Variants in SLC41A2 observed in about 807,000 individuals in gnomAD.
SLC41A2 encodes the protein SLC41A1-like 1.
SLC41A2 carries 32 observed loss-of-function variants against 58.3 expected under a neutral mutation model. The ratio of observed to expected loss-of-function variants is 0.55; its 90% CI spans 0.41 to 0.74. SLC41A2 has a LOEUF of 0.74. Ranked by LOEUF, SLC41A2 falls within the 30% of genes least tolerant of loss-of-function variation. The pLI, the probability that SLC41A2 is intolerant of heterozygous loss-of-function variation, is 0.00. For synonymous variants in SLC41A2, 190 were observed against 235.0 expected (o/e 0.81, Z 1.75); for missense variants, 514 against 680.6 (o/e 0.76, Z 2.72).
intron 4 of SLC41A2, among the ~76,000 whole-genome samples, chr12:104,892,321 T>A (rs957153234): frequency 0.023 from 2,698 of 117,162 alleles, 225 homozygotes; most frequent in African/African-American, 0.085. Flanking sequence ...TAAAATAAAA[T>A]AAAATAAAAT....
intron 1 of SLC41A2, among the ~76,000 whole-genome samples, chr12:104,934,841 G>GAGTA (rs1212580141): frequency 6.6e-6 from 1 of 152,200 alleles, no homozygotes; most frequent in Non-Finnish European, 1.5e-5. Flanking sequence ...TAGAAACAGA[G>GAGTA]AGTAGACAGG....
At chr12:104,871,864 A>C (rs2043796733) in intron 6 of SLC41A2, among the ~76,000 whole-genome samples, 1 of 152,232 alleles carries the variant, frequency 6.6e-6, no homozygotes, top group South Asian at 2.1e-4. Context: ...TTATATCCTC[A>C]TAAGAGAAGG....
intron 1 of SLC41A2, among the ~76,000 whole-genome samples, chr12:104,953,949 A>T (rs2048052433): frequency 6.6e-6 from 1 of 152,196 alleles, no homozygotes; most frequent in Non-Finnish European, 1.5e-5. Context: ...AAAGGTTTCC[A>T]CTTTTCCTAT....
intron 10 of SLC41A2, among the ~76,000 whole-genome samples, chr12:104,812,759 A>G (rs1408917460): frequency 6.6e-6 from 1 of 152,194 alleles, no homozygotes; most frequent in Non-Finnish European, 1.5e-5. Flanking sequence ...TGCTCTGGAT[A>G]CCAGGTCTCC....
At chr12:104,860,063 A>T (rs531329985) in intron 8 of SLC41A2, among the ~76,000 whole-genome samples, 1 of 152,228 alleles carries the variant, frequency 6.6e-6, no homozygotes, top group East Asian at 1.9e-4. Flanking sequence ...CTTTTTACAT[A>T]GATATGCAAA....
intron 7 of SLC41A2, among the ~76,000 whole-genome samples, chr12:104,862,538 T>C: frequency 6.6e-6 from 1 of 152,102 alleles, no homozygotes; most frequent in Middle Eastern, 3.2e-3. Context: ...AAAGTTACTA[T>C]AGAAAAAATT....
At chr12:104,866,638 C>T (rs1202574567) in intron 6 of SLC41A2, 59 bp from the exon 7 acceptor site, 2 of 1,376,844 alleles carry the variant, frequency 1.5e-6, no homozygotes, top group African/African-American at 2.9e-5. Flanking sequence ...TTCTATGTAG[C>T]AGATCTAAAT....
At chr12:104,845,996 A>G (rs1038995571) in intron 8 of SLC41A2, 22 bp from the exon 9 acceptor site, 8 of 1,608,820 alleles carry the variant, frequency 5.0e-6, no homozygotes, top group Non-Finnish European at 6.8e-6. Context: ...GGAAAAACAA[A>G]GTAGCAATCC....
intron 10 of SLC41A2, among the ~76,000 whole-genome samples, chr12:104,814,868 AC>A (rs1303799215): frequency 6.6e-6 from 1 of 152,214 alleles, no homozygotes; most frequent in Non-Finnish European, 1.5e-5. Context: ...TATATTTGTC[AC>A]TTCTCTGATC....
intron 2 of SLC41A2, among the ~76,000 whole-genome samples, chr12:104,916,512 C>T (rs1246910713): frequency 2.6e-5 from 4 of 152,210 alleles, no homozygotes; most frequent in South Asian, 2.1e-4. Flanking sequence ...GCCCGCATCG[C>T]CAAGTCAATC....
At chr12:104,841,017 C>T (rs191828651) in intron 10 of SLC41A2, among the ~76,000 whole-genome samples, 1 of 152,060 alleles carries the variant, frequency 6.6e-6, no homozygotes, top group Admixed American at 6.5e-5. Flanking sequence ...TTAAAAACTC[C>T]TTATTAAGGA....
chr12:104,920,120 G>A (rs905244515), intron 2 of SLC41A2, among the ~76,000 whole-genome samples: 1 of 152,142 alleles, frequency 6.6e-6, no homozygotes, highest in Non-Finnish European at 1.5e-5. Context: ...AAATTAGTTG[G>A]ATGTATTTGT....
intron 1 of SLC41A2, among the ~76,000 whole-genome samples, chr12:104,957,495 A>G (rs2136006104): frequency 6.6e-6 from 1 of 152,296 alleles, no homozygotes; most frequent in South Asian, 2.1e-4. Flanking sequence ...TAGAAGAATG[A>G]GTTTTATGGC....
chr12:104,922,094 G>C (rs2046622533), intron 2 of SLC41A2, among the ~76,000 whole-genome samples: 1 of 151,966 alleles, frequency 6.6e-6, no homozygotes, highest in South Asian at 2.1e-4. Flanking sequence ...GAATCACAGA[G>C]GAAGACAGTA....
chr12:104,810,360 T>G (rs1249896842), intron 10 of SLC41A2, among the ~76,000 whole-genome samples: 1 of 152,154 alleles, frequency 6.6e-6, no homozygotes, highest in Admixed American at 6.5e-5. Flanking sequence ...GGTAGCTAAT[T>G]TCTCTGGGAT....
Position 104,949,825 on chromosome 12 carries a change from C to T in SLC41A2, c.-168+8263G>A, listed in dbSNP as rs112246186. Among the ~76,000 whole-genome samples, 1,490 of 152,276 alleles carry T rather than the reference C, an allele frequency of 9.8e-3. 22 individuals are homozygous for T. The highest frequency in any genetic ancestry group is 0.033 in the African/African-American group (1,375 of 41,544). Reference sequence around the variant, plus strand: ...CTCGAACTCCCGACCTCAGGTGATCCGCCTGCCTCAGCCTCCCAAAGTACT... The same window carrying T: ...CTCGAACTCCCGACCTCAGGTGATCTGCCTGCCTCAGCCTCCCAAAGTACT... On this transcript the variant is annotated intron_variant, in intron 1 of 10. Coordinates refer to ENST00000258538, the MANE Select transcript of SLC41A2 (RefSeq NM_001352171.3).
intron 2 of SLC41A2, among the ~76,000 whole-genome samples, chr12:104,920,161 G>A (rs375061835): frequency 5.1e-4 from 78 of 152,256 alleles, no homozygotes; most frequent in African/African-American, 1.8e-3. Context: ...TGTCCATTCT[G>A]TGGCATTGAT....
intron 2 of SLC41A2, among the ~76,000 whole-genome samples, chr12:104,926,213 A>G (rs796743885): frequency 1.3e-4 from 20 of 152,270 alleles, no homozygotes; most frequent in African/African-American, 4.6e-4. Flanking sequence ...CTGATAAACA[A>G]AAACTGACAG....
chr12:104,923,471 A>C (rs989885313), intron 2 of SLC41A2, among the ~76,000 whole-genome samples: 13 of 151,878 alleles, frequency 8.6e-5, no homozygotes, highest in African/African-American at 3.1e-4. Context: ...AAGAAAAGAA[A>C]TTAAATAAAG....
Sources: gnomAD v4.1 joint callset for allele counts (sites outside exome capture counted in the v4.1 genomes callset) on GRCh38, gnomAD v4.1.1 for gene constraint, MANE v1.5 for transcripts, NCBI Gene and HGNC (gene_info 2026-07-23, HGNC 2026-07-21) for gene names.